The following RBM41 variants were observed in gnomAD, a reference collection of about 807,000 sequenced individuals.
RBM41 encodes RNA binding motif protein 41.
RBM41 carries 14 observed loss-of-function variants against 30.8 expected under a neutral mutation model. The ratio of observed to expected loss-of-function variants is 0.45; its 90% CI spans 0.30 to 0.71. The LOEUF (loss-of-function observed/expected upper bound fraction) is 0.71. RBM41 is among the 30% of genes least tolerant of loss of function. The probability of loss-of-function intolerance (pLI) is 0.08; values close to 1 mark genes in which losing one functional copy is unlikely to be tolerated. For missense variants in RBM41, 276 were observed against 326.3 expected (o/e 0.85, Z 1.19); for synonymous variants, 120 against 110.1 (o/e 1.09, Z -0.56).
rs1935818566 is a variant in RBM41, at chrX:107,065,822, T to C, written c.*1705A>G. 4 of 1,050,216 alleles carry C rather than the reference T, an allele frequency of 3.8e-6. No homozygotes were observed. In the Admixed American group the frequency reaches 1.4e-4, roughly 38 times the overall value. The allele number at this position is 1,050,216 out of a possible 1,213,427, so 86.5% of individuals were successfully genotyped here. Reference sequence around the variant, plus strand: ...GCCAAACGATGCAACTATATACATATTGTTTTATACAACTGTGTTTTACAT... The same window carrying C: ...GCCAAACGATGCAACTATATACATACTGTTTTATACAACTGTGTTTTACAT... On this transcript the variant is annotated 3_prime_UTR_variant, in exon 8 of 8. Transcript: ENST00000685964.
chrX:107,070,368 C>T (rs757170923), intron 6 of RBM41: 33 of 328,531 alleles, frequency 1.0e-4, no homozygotes, highest in South Asian at 8.4e-4. Flanking sequence ...TCCTAGAACG[C>T]TGGTAGTACC....
intron 6 of RBM41, among the ~76,000 whole-genome samples, chrX:107,075,332 C>A (rs576482496): frequency 1.8e-5 from 2 of 111,904 alleles, no homozygotes; most frequent in African/African-American, 6.5e-5. Context: ...GGAAAACCTT[C>A]TTCACATTAG....
At chrX:107,072,295 A>G (rs1936094152) in intron 6 of RBM41, among the ~76,000 whole-genome samples, 1 of 111,858 alleles carries the variant, frequency 8.9e-6, no homozygotes, top group Non-Finnish European at 1.9e-5. Flanking sequence ...CACAAATTCC[A>G]TACAGTTGCA....
chrX:107,083,377 AGG>A (rs1921723785), intron 6 of RBM41, among the ~76,000 whole-genome samples: 2 of 111,178 alleles, frequency 1.8e-5, no homozygotes, highest in African/African-American at 6.5e-5. Context: ...TGATACGCTT[AGG>A]TGTAGTTCTG....
At chrX:107,053,290 C>T in the RBM41 span, among the ~76,000 whole-genome samples, 1 of 113,379 alleles carries the variant, frequency 8.8e-6, no homozygotes, top group African/African-American at 3.2e-5. Context: ...TTCTGAAGAG[C>T]CATTCAAACA....
In RBM41 at chrX:107,085,025, T is replaced by C. The variant is rs148644515; in HGVS notation, c.999+3411A>G. On this transcript the variant is annotated intron_variant, in intron 6 of 7. Transcript: ENST00000685964. ...TATTTTATAAACATACCATGTTTTA[T>C]CTATACTCCTGCTGATGAACAATGC... Among the ~76,000 whole-genome samples the C allele has an allele frequency of 7.4e-3, 819 of 111,287 alleles. 15 individuals are homozygous for C. Among genetic ancestry groups the C allele is most frequent in the African/African-American group, 0.025 (769 of 30,622 alleles).
rs1935684356 is a variant in RBM41 at position 107,062,744 on chromosome X, G to T, written c.*4783C>A. On this transcript the variant is annotated 3_prime_UTR_variant, in exon 8 of 8. Coordinates refer to ENST00000685964, the MANE Select transcript of RBM41 (RefSeq NM_001324242.2). ...CAGCCTATTCAATCCCACTTCCAAAGGTTTATAACTTTCTATGTCTATTTC... is the reference window on the plus strand; with the variant it reads ...CAGCCTATTCAATCCCACTTCCAAATGTTTATAACTTTCTATGTCTATTTC... 9.0e-6 allele frequency among the ~76,000 whole-genome samples: 1 copy of T among 111,050 alleles called. No individual in the cohort carries two copies. Among genetic ancestry groups the T allele is most frequent in the Non-Finnish European group, 1.9e-5 (1 of 52,971 alleles).
At chrX:107,053,594 G>T in the RBM41 span, among the ~76,000 whole-genome samples, 23 of 112,059 alleles carry the variant, frequency 2.1e-4, no homozygotes, top group Admixed American at 1.8e-3. Context: ...GTAGGGTTTT[G>T]GGCTGAGACC....
chrX:107,077,166 T>C (rs1921019239), intron 6 of RBM41, among the ~76,000 whole-genome samples: 1 of 111,728 alleles, frequency 9.0e-6, no homozygotes, highest in Non-Finnish European at 1.9e-5. Flanking sequence ...AGTTTCGCTC[T>C]TGTTGCCCAA....
In RBM41 at chrX:107,106,205, G is replaced by A. The variant is rs551671118; in HGVS notation, c.595+7192C>T. Reference sequence around the variant, plus strand: ...CAAACAACCGCATCAAAAAGTGGGCGAAGGATATGAACAGACACTTCTCAA... The same window carrying A: ...CAAACAACCGCATCAAAAAGTGGGCAAAGGATATGAACAGACACTTCTCAA... On this transcript the variant is annotated intron_variant, in intron 5 of 7. Transcript: ENST00000685964. Among the ~76,000 whole-genome samples, 117 of 111,466 alleles carry A rather than the reference G, an allele frequency of 1.0e-3. 1 individual carries two copies. In the South Asian group the frequency reaches 0.035, roughly 34 times the overall value.
At chrX:107,092,562 T>C (rs1485210170) in intron 5 of RBM41, among the ~76,000 whole-genome samples, 1 of 111,246 alleles carries the variant, frequency 9.0e-6, no homozygotes, top group Non-Finnish European at 1.9e-5. Flanking sequence ...CTGGGCAACA[T>C]GGTGATACTC....
downstream of RBM41, among the ~76,000 whole-genome samples, chrX:107,057,705 A>G (rs186718831): frequency 5.5e-3 from 621 of 112,241 alleles, 6 homozygotes; most frequent in African/African-American, 0.02. Flanking sequence ...CACAGGCAAC[A>G]AAAGCAAACA....
In RBM41 at chrX:107,115,897, T is replaced by C. The variant is rs770796545; in HGVS notation, c.283A>G (p.Ile95Val). The C allele has an allele frequency of 1.7e-6, 2 of 1,200,782 alleles. No homozygotes were observed. Among genetic ancestry groups the C allele is most frequent in the African/African-American group, 3.5e-5 (2 of 56,890 alleles). Residue 95 changes from isoleucine (I) to valine (V), a missense_variant, in exon 3 of 8, where the codon ATC becomes GTC. Transcript: ENST00000685964. Reference protein sequence around the residue: ...LRELGLNETEILIWKSHVSGE... With the variant: ...LRELGLNETEVLIWKSHVSGE... ...GAAACATGGCTCTTCCAGATCAAGA[T>C]TTCTGTTTCATTAAGCCCTAATTCC...
chrX:107,055,135 C>T, the RBM41 span, among the ~76,000 whole-genome samples: 1 of 111,673 alleles, frequency 9.0e-6, no homozygotes, highest in Admixed American at 9.5e-5. Context: ...CATAGCATAA[C>T]GTTTTTGAGG....
intron 5 of RBM41, among the ~76,000 whole-genome samples, chrX:107,096,717 A>G (rs1489803848): frequency 8.9e-6 from 1 of 112,209 alleles, no homozygotes; most frequent in Non-Finnish European, 1.9e-5. Flanking sequence ...CCAAAAGCAC[A>G]AGCCATAAAA....
At chrX:107,077,430 G>GC (rs1207499812) in intron 6 of RBM41, among the ~76,000 whole-genome samples, 1 of 111,366 alleles carries the variant, frequency 9.0e-6, no homozygotes, top group Non-Finnish European at 1.9e-5. Context: ...ACCGCACCTG[G>GC]CCAATATGAA....
At chrX:107,085,265 T>C (rs868189574) in intron 6 of RBM41, among the ~76,000 whole-genome samples, 3 of 103,034 alleles carry the variant, frequency 2.9e-5, no homozygotes, top group African/African-American at 7.1e-5. Context: ...TTTTTCTTTT[T>C]TTTTTTTTTT....
Position 107,082,956 on chromosome X carries a change from A to C in RBM41, c.999+5480T>G, listed in dbSNP as rs112159860. Among the ~76,000 whole-genome samples, 304 of 111,543 alleles carry C rather than the reference A, an allele frequency of 2.7e-3. 3 individuals are homozygous for C. Among genetic ancestry groups the C allele is most frequent in the African/African-American group, 9.3e-3 (286 of 30,883 alleles). ...TTCTAGATTGTTTTAAAATGAGAAA[A>C]TAAAAGATTTCATTTTACCTTAATG... is the stretch of plus-strand genomic sequence containing the variant. On this transcript the variant is annotated intron_variant, in intron 6 of 7. Coordinates refer to ENST00000685964, the MANE Select transcript of RBM41 (RefSeq NM_001324242.2).
At chrX:107,077,505 C>T (rs1359938989) in intron 6 of RBM41, among the ~76,000 whole-genome samples, 1 of 108,821 alleles carries the variant, frequency 9.2e-6, no homozygotes, top group Non-Finnish European at 1.9e-5. Context: ...TGGGATACAT[C>T]CCCTCTGCAT....
Sources: gnomAD v4.1 joint callset for allele counts (sites outside exome capture counted in the v4.1 genomes callset) on GRCh38, gnomAD v4.1.1 for gene constraint, MANE v1.5 for transcripts, NCBI Gene and HGNC (gene_info 2026-07-23, HGNC 2026-07-21) for gene names.